The following STAG1 variants were observed in gnomAD, a reference collection of about 807,000 sequenced individuals.
The protein encoded by STAG1 is STAG1 cohesin complex component.
STAG1 carries 26 observed loss-of-function variants against 170.9 expected under a neutral mutation model. That is an observed-to-expected ratio of 0.15 (90% confidence interval 0.11 to 0.21). STAG1 has a LOEUF of 0.21. Ranked by LOEUF, STAG1 falls within the 10% of genes least tolerant of loss-of-function variation. STAG1 has a pLI of 1.00. For missense variants in STAG1, 964 were observed against 1,509.5 expected (o/e 0.64, Z 5.99); for synonymous variants, 514 against 497.7 (o/e 1.03, Z -0.44).
intron 1 of STAG1, among the ~76,000 whole-genome samples, chr3:136,664,532 C>A (rs1449192889): frequency 6.6e-6 from 1 of 152,180 alleles, no homozygotes; most frequent in Admixed American, 6.5e-5. Flanking sequence ...TGTTTCTCAA[C>A]CTTTCTTCCT....
intron 1 of STAG1, among the ~76,000 whole-genome samples, chr3:136,650,448 ATAC>A (rs1361509325): frequency 6.6e-6 from 1 of 152,212 alleles, no homozygotes; most frequent in African/African-American, 2.4e-5. Flanking sequence ...ATCTCCATAC[ATAC>A]TACAAGTATT....
At chr3:136,413,390 ATTG>A (rs1477078604) in intron 21 of STAG1, among the ~76,000 whole-genome samples, 2 of 151,016 alleles carry the variant, frequency 1.3e-5, no homozygotes, top group African/African-American at 4.9e-5. Flanking sequence ...CTATAATTTG[ATTG>A]TTTTTTAAAT....
At position 136,737,076 on chromosome 3, in the gene STAG1, CTG is replaced by C. The variant is rs1934383012; in HGVS notation, c.-84+15117_-84+15118del. 7 of 1,124,324 alleles carry C rather than the reference CTG, an allele frequency of 6.2e-6. No homozygotes were observed. In the South Asian group the frequency reaches 7.4e-5, roughly 12 times the overall value. 69.6% of individuals were successfully genotyped at this position (1,124,324 alleles called of 1,614,324 possible). ...CTGAAGAACCTCAAATGGGGTGAAACTGAAGTAAGAGGAACCAGGACAGGTCA... is the reference window on the plus strand; with the variant it reads ...CTGAAGAACCTCAAATGGGGTGAAACAAGTAAGAGGAACCAGGACAGGTCA... On this transcript the variant is annotated intron_variant, in intron 1 of 33. Transcript: ENST00000383202.
intron 23 of STAG1, 84 bp downstream of exon 23, chr3:136,377,576 C>A: frequency 9.2e-7 from 1 of 1,090,634 alleles, no homozygotes; most frequent in Non-Finnish European, 1.4e-6. Flanking sequence ...TGTACAAAAA[C>A]TGCCATAAAA....
chr3:136,751,288 TGG>T (rs1252338803), intron 1 of STAG1, among the ~76,000 whole-genome samples: 1 of 151,834 alleles, frequency 6.6e-6, no homozygotes, highest in Admixed American at 6.6e-5. Flanking sequence ...ATTTCAAATG[TGG>T]GTAGATGGGG....
chr3:136,422,444 C>T lies in STAG1; in HGVS notation c.2003G>A (p.Arg668Gln), dbSNP rs778280401. Residue 668 changes from arginine (R) to glutamine (Q), a missense_variant, in exon 19 of 34, where the codon CGA (arginine) becomes CAA (glutamine). Physicochemically the swap from Arg to Gln is conservative, Grantham distance 43. Around this residue, in one of 11 missense-constraint regions of STAG1, gnomAD observed 232 missense variants for 313.0 expected, o/e 0.74. Transcript: ENST00000383202. ...RSQLIDEFVD[R>Q]FNHSVEDLLQ... is the part of the protein sequence containing the mutation. The stretch of plus-strand genomic sequence containing the variant: ...TAGGTCTTCCACAGAATGATTGAAT[C>T]GATCTACAAACTCATCAATCAGCTG... The T allele has an allele frequency of 1.2e-6, 2 of 1,613,954 alleles. No homozygotes were observed. Among genetic ancestry groups the T allele is most frequent in the Non-Finnish European group, 1.7e-6 (2 of 1,179,958 alleles).
At chr3:136,676,133 A>T (rs1474016857) in intron 1 of STAG1, among the ~76,000 whole-genome samples, 1 of 152,206 alleles carries the variant, frequency 6.6e-6, no homozygotes, top group Non-Finnish European at 1.5e-5. Flanking sequence ...GGTACAGAAG[A>T]CTTAAAATGG....
At chr3:136,547,186 G>C (rs1936189236) in intron 5 of STAG1, among the ~76,000 whole-genome samples, 2 of 152,146 alleles carry the variant, frequency 1.3e-5, no homozygotes, top group Non-Finnish European at 2.9e-5. Context: ...TACAAAGATA[G>C]TATAGAGATC....
chr3:136,529,554 A>G (rs2107925572), intron 6 of STAG1, among the ~76,000 whole-genome samples: 1 of 152,326 alleles, frequency 6.6e-6, no homozygotes, highest in East Asian at 1.9e-4. Context: ...CAGCAAAACT[A>G]TCTTTAATAA....
At chr3:136,724,594 G>C (rs998579250) in intron 1 of STAG1, among the ~76,000 whole-genome samples, 1 of 120,748 alleles carries the variant, frequency 8.3e-6, no homozygotes, top group Non-Finnish European at 1.7e-5. Flanking sequence ...ACCCAAGAAT[G>C]ATCAATAAAA....
chr3:136,714,481 C>T (rs537135115), intron 1 of STAG1, among the ~76,000 whole-genome samples: 23 of 152,140 alleles, frequency 1.5e-4, no homozygotes, highest in Admixed American at 3.3e-4. Flanking sequence ...GTAATCCCAG[C>T]GCTTTGGGAG....
At chr3:136,576,480 C>CA (rs1013789479) in intron 4 of STAG1, among the ~76,000 whole-genome samples, 1 of 150,790 alleles carries the variant, frequency 6.6e-6, no homozygotes, top group Non-Finnish European at 1.5e-5. Context: ...ATTCATATGA[C>CA]AAAAAATGAT....
chr3:136,689,564 T>C (rs1367532047), intron 1 of STAG1, among the ~76,000 whole-genome samples: 3 of 152,226 alleles, frequency 2.0e-5, no homozygotes, highest in Non-Finnish European at 4.4e-5. Flanking sequence ...ATCAAACCAG[T>C]AGCCATGATT....
chr3:136,745,536 C>G (rs1239013111), intron 1 of STAG1, among the ~76,000 whole-genome samples: 3 of 152,188 alleles, frequency 2.0e-5, no homozygotes, highest in Non-Finnish European at 4.4e-5. Context: ...ACGTACATCC[C>G]TTGTATGTGC....
intron 7 of STAG1, among the ~76,000 whole-genome samples, chr3:136,504,026 C>T (rs756181862): frequency 1.3e-5 from 2 of 152,032 alleles, no homozygotes; most frequent in Non-Finnish European, 2.9e-5. Flanking sequence ...CATGAGCCAC[C>T]GCACCCGGCC....
chr3:136,365,980 G>A (rs1202554466), intron 25 of STAG1, among the ~76,000 whole-genome samples: 1 of 151,504 alleles, frequency 6.6e-6, no homozygotes, highest in Non-Finnish European at 1.5e-5. Context: ...ATGCAACTCT[G>A]TTTACACATT....
chr3:136,343,739 G>C (rs1936097375), intron 30 of STAG1, 93 bp downstream of exon 30: 1 of 1,007,362 alleles, frequency 9.9e-7, no homozygotes, highest in Admixed American at 3.1e-5. Context: ...GAACTGACCA[G>C]CAATATGTTC....
intron 3 of STAG1, among the ~76,000 whole-genome samples, chr3:136,606,874 G>A (rs775466702): frequency 8.7e-5 from 13 of 149,850 alleles, no homozygotes; most frequent in African/African-American, 2.0e-4. Flanking sequence ...TCAGCCTCCC[G>A]AGTAGCTGAA....
Position 136,673,861 on chromosome 3 carries a change from G to A in STAG1, c.-83-42880C>T, listed in dbSNP as rs147241033. ...CTCACACCTGTAATCCCAGCACTTT[G>A]GGAGGCCGAGGCAGGTGGATTGCTT... On this transcript the variant is annotated intron_variant, in intron 1 of 33. Coordinates refer to ENST00000383202, the MANE Select transcript of STAG1 (RefSeq NM_005862.3). Among the ~76,000 whole-genome samples the A allele has an allele frequency of 1.1e-3, 170 of 151,998 alleles. 4 individuals carry two copies. The East Asian group carries it at 0.029, about 26-fold the overall frequency.
Sources: gnomAD v4.1 joint callset for allele counts (sites outside exome capture counted in the v4.1 genomes callset) on GRCh38, gnomAD v4.1.1 for gene constraint, gnomAD v4.1.1 regional missense constraint, MANE v1.5 for transcripts, NCBI Gene and HGNC (gene_info 2026-07-23, HGNC 2026-07-21) for gene names.